CNTN6: variants seen among roughly 807,000 people sequenced by gnomAD.
The protein encoded by CNTN6 is contactin-6.
Under a neutral mutation model 122.8 loss-of-function variants are expected in CNTN6, and 137 were observed. The observed-to-expected ratio is 1.12, with a 90% confidence interval of 0.97 to 1.29. The LOEUF (loss-of-function observed/expected upper bound fraction) is 1.29, where lower values mean the gene tolerates loss of function less well. Among genes scored for constraint, CNTN6 ranks in the 50% most tolerant of loss-of-function variants. CNTN6 has a pLI of 0.00. For missense variants in CNTN6, 1,634 were observed against 1,223.4 expected (o/e 1.34, Z -5.01); for synonymous variants, 570 against 426.0 (o/e 1.34, Z -4.16).
intron 4 of CNTN6, among the ~76,000 whole-genome samples, chr3:1,240,336 A>G (rs908321904): frequency 6.6e-6 from 1 of 152,192 alleles, no homozygotes; most frequent in African/African-American, 2.4e-5. Flanking sequence ...AAAAAAACAA[A>G]CAATCCCATT....
chr3:1,215,374 C>T (rs917030333), intron 2 of CNTN6, among the ~76,000 whole-genome samples: 4 of 152,166 alleles, frequency 2.6e-5, no homozygotes, highest in Non-Finnish European at 5.9e-5. Context: ...GAGATAATTA[C>T]AATCATCTCA....
intron 2 of CNTN6, among the ~76,000 whole-genome samples, chr3:1,157,229 A>C (rs7615283): frequency 2.1e-5 from 3 of 143,542 alleles, no homozygotes; most frequent in Non-Finnish European, 4.5e-5. Flanking sequence ...TAATTTATTT[A>C]TTTATTTATG....
chr3:1,164,932 C>T (rs964312074), intron 2 of CNTN6, among the ~76,000 whole-genome samples: 5 of 152,082 alleles, frequency 3.3e-5, no homozygotes, highest in African/African-American at 9.7e-5. Flanking sequence ...GTGGCTTAAC[C>T]TTGATTTTTA....
chr3:1,276,951 C>T (rs1286333752), intron 4 of CNTN6, among the ~76,000 whole-genome samples: 2 of 152,078 alleles, frequency 1.3e-5, no homozygotes, highest in Non-Finnish European at 2.9e-5. Context: ...GGCAATTTGG[C>T]AATTTAGGTG....
intron 5 of CNTN6, among the ~76,000 whole-genome samples, chr3:1,290,651 C>T (rs1575576021): frequency 6.6e-6 from 1 of 152,194 alleles, no homozygotes; most frequent in South Asian, 2.1e-4. Context: ...AGAATGGCTA[C>T]TCCATAGACA....
At chr3:1,349,460 A>T (rs1015387130) in intron 11 of CNTN6, among the ~76,000 whole-genome samples, 1 of 151,758 alleles carries the variant, frequency 6.6e-6, no homozygotes, top group African/African-American at 2.4e-5. Flanking sequence ...AATGTCGTTC[A>T]TTGATATGTT....
intron 11 of CNTN6, among the ~76,000 whole-genome samples, chr3:1,336,552 C>G (rs894298530): frequency 2.6e-5 from 4 of 152,096 alleles, no homozygotes; most frequent in African/African-American, 9.7e-5. Flanking sequence ...ATTCCGTTAC[C>G]TTTATCTACT....
chr3:1,390,415 G>A (rs967859901), intron 20 of CNTN6, among the ~76,000 whole-genome samples: 11 of 151,474 alleles, frequency 7.3e-5, no homozygotes, highest in African/African-American at 1.7e-4. Context: ...AAAGCAGTGT[G>A]TAGAGGGAAA....
intron 4 of CNTN6, among the ~76,000 whole-genome samples, chr3:1,233,219 G>A (rs890063014): frequency 6.6e-6 from 1 of 152,084 alleles, no homozygotes; most frequent in Non-Finnish European, 1.5e-5. Context: ...ATGGTTAAAT[G>A]CCAGTATTGC....
rs78602847 is a variant in CNTN6 at position 1,119,685 on chromosome 3, C to T, written c.-83+26565C>T. Among the ~76,000 whole-genome samples, 763 of 151,912 alleles carry T rather than the reference C, an allele frequency of 5.0e-3. 8 individuals are homozygous for T. The highest frequency in any genetic ancestry group is 0.018 in the African/African-American group (733 of 41,458). ...TTTCCTTTATTCACTTTCCATCACC[C>T]CCCTTAGTTCCCTCCAAAATATGAA... On this transcript the variant is annotated intron_variant, in intron 1 of 22. Transcript: ENST00000446702.
intron 19 of CNTN6, 104 bp downstream of exon 19, chr3:1,383,512 A>G (rs1692264155): frequency 2.4e-6 from 2 of 837,780 alleles, no homozygotes; most frequent in African/African-American, 1.7e-5. Context: ...AGCATATGAT[A>G]ATGTGTGTCT....
chr3:1,376,005 C>A (rs1686980757), intron 16 of CNTN6, among the ~76,000 whole-genome samples: 3 of 152,010 alleles, frequency 2.0e-5, no homozygotes, highest in African/African-American at 7.2e-5. Context: ...GCCTACCAAT[C>A]CCCAGACATA....
intron 20 of CNTN6, among the ~76,000 whole-genome samples, chr3:1,386,780 G>T (rs1019542881): frequency 1.3e-5 from 2 of 152,000 alleles, no homozygotes; most frequent in Non-Finnish European, 2.9e-5. Flanking sequence ...CAAATTCAGT[G>T]CCACTTACAA....
chr3:1,388,447 A>C (rs932601127), intron 20 of CNTN6, among the ~76,000 whole-genome samples: 32 of 151,580 alleles, frequency 2.1e-4, no homozygotes, highest in South Asian at 1.5e-3. Flanking sequence ...GTAGATAAAA[A>C]CCACAAAGAT....
intron 4 of CNTN6, among the ~76,000 whole-genome samples, chr3:1,264,037 G>A (rs1296668554): frequency 6.6e-6 from 1 of 151,986 alleles, no homozygotes; most frequent in East Asian, 1.9e-4. Flanking sequence ...CGAAAAACAG[G>A]AAAATAAAAT....
At chr3:1,144,907 G>A (rs571414731) in intron 1 of CNTN6, among the ~76,000 whole-genome samples, 6 of 152,234 alleles carry the variant, frequency 3.9e-5, no homozygotes, top group South Asian at 2.1e-4. Context: ...GGTAGCTTGC[G>A]AATGGAAAAT....
intron 2 of CNTN6, among the ~76,000 whole-genome samples, chr3:1,167,359 C>T (rs892826207): frequency 1.3e-5 from 2 of 152,094 alleles, no homozygotes; most frequent in African/African-American, 2.4e-5. Flanking sequence ...TAGGTGTTAC[C>T]TTCCTTTTCA....
chr3:1,301,664 G>C (rs1418593200), intron 7 of CNTN6, among the ~76,000 whole-genome samples: 1 of 152,108 alleles, frequency 6.6e-6, no homozygotes, highest in Non-Finnish European at 1.5e-5. Flanking sequence ...ATTAAATGAA[G>C]GCATTAATAT....
intron 20 of CNTN6, among the ~76,000 whole-genome samples, chr3:1,387,948 C>A (rs1693339852): frequency 6.6e-6 from 1 of 152,078 alleles, no homozygotes. Flanking sequence ...GCACAGCAGT[C>A]TGAGATCAAA....
Sources: gnomAD v4.1 joint callset for allele counts (sites outside exome capture counted in the v4.1 genomes callset) on GRCh38, gnomAD v4.1.1 for gene constraint, MANE v1.5 for transcripts, NCBI Gene and HGNC (gene_info 2026-07-23, HGNC 2026-07-21) for gene names.